Variants in IKBKB-DT observed in about 807,000 individuals in gnomAD.
IKBKB-DT encodes the protein IKBKB divergent transcript.
At chr8:42,254,250 C>A (rs774059538) in intron 3 of IKBKB-DT, among the ~76,000 whole-genome samples, 1 of 152,218 alleles carries the variant, frequency 6.6e-6, no homozygotes, top group Non-Finnish European at 1.5e-5. Context: ...CATAATATTT[C>A]TCTCTGTCAC....
intron 3 of IKBKB-DT, among the ~76,000 whole-genome samples, chr8:42,242,501 A>G (rs912824346): frequency 9.2e-5 from 14 of 152,314 alleles, no homozygotes; most frequent in Admixed American, 2.0e-4. Flanking sequence ...ATTAAGGTAT[A>G]ATGAGAATTC....
intron 2 of IKBKB-DT, among the ~76,000 whole-genome samples, chr8:42,264,644 C>T (rs556104951): frequency 3.3e-5 from 5 of 150,554 alleles, no homozygotes; most frequent in African/African-American, 7.3e-5. Flanking sequence ...TTGCAGCCTC[C>T]GCCTCCCTAG....
intron 3 of IKBKB-DT, among the ~76,000 whole-genome samples, chr8:42,257,760 A>C (rs972500876): frequency 3.3e-5 from 5 of 151,914 alleles, no homozygotes; most frequent in Non-Finnish European, 7.4e-5. Context: ...ATAGGAGGAG[A>C]CCTTATCTCT....
At chr8:42,252,775 A>G (rs1807145016) in intron 3 of IKBKB-DT, among the ~76,000 whole-genome samples, 1 of 152,246 alleles carries the variant, frequency 6.6e-6, no homozygotes, top group Admixed American at 6.5e-5. Flanking sequence ...TTCCAAATGA[A>G]TCATCATACC....
intron 3 of IKBKB-DT, among the ~76,000 whole-genome samples, chr8:42,262,326 A>G (rs1425293445): frequency 1.3e-5 from 2 of 151,812 alleles, no homozygotes; most frequent in Non-Finnish European, 2.9e-5. Context: ...TATTTAAAAA[A>G]AAAAAGAAAA....
chr8:42,262,858 C>A (rs1807310018), intron 3 of IKBKB-DT, among the ~76,000 whole-genome samples: 1 of 152,100 alleles, frequency 6.6e-6, no homozygotes, highest in Admixed American at 6.6e-5. Context: ...CCTGCCTCAG[C>A]CTCCTGAGTA....
At chr8:42,253,675 T>C (rs1162967864) in intron 3 of IKBKB-DT, among the ~76,000 whole-genome samples, 1 of 152,184 alleles carries the variant, frequency 6.6e-6, no homozygotes, top group Non-Finnish European at 1.5e-5. Flanking sequence ...TGTAAAGAAA[T>C]AGCACTTGAA....
At chr8:42,253,485 TC>T (rs1807155523) in intron 3 of IKBKB-DT, among the ~76,000 whole-genome samples, 1 of 152,182 alleles carries the variant, frequency 6.6e-6, no homozygotes, top group Non-Finnish European at 1.5e-5. Flanking sequence ...TCTTAGTGAT[TC>T]CAAGTCAGAA....
At chr8:42,241,896 A>G (rs974395806) in intron 3 of IKBKB-DT, among the ~76,000 whole-genome samples, 1 of 152,170 alleles carries the variant, frequency 6.6e-6, no homozygotes, top group Non-Finnish European at 1.5e-5. Flanking sequence ...GAGGTCAGTT[A>G]ATATGAAAAA....
chr8:42,244,635 G>A (rs1807041077), intron 3 of IKBKB-DT, among the ~76,000 whole-genome samples: 1 of 151,876 alleles, frequency 6.6e-6, no homozygotes, highest in Admixed American at 6.6e-5. Flanking sequence ...TGACCTCCTG[G>A]GCCTAAGTGA....
chr8:42,238,208 C>T (rs570691486), intron 3 of IKBKB-DT, among the ~76,000 whole-genome samples: 73 of 151,866 alleles, frequency 4.8e-4, no homozygotes, highest in African/African-American at 1.7e-3. Flanking sequence ...TGAGTCCCTA[C>T]CCTTGAGAAC....
intron 1 of IKBKB-DT, among the ~76,000 whole-genome samples, chr8:42,268,567 G>A (rs187469508): frequency 4.6e-5 from 7 of 151,614 alleles, no homozygotes; most frequent in Non-Finnish European, 7.4e-5. Context: ...CACCACACCC[G>A]GCCAAATTTT....
intron 3 of IKBKB-DT, among the ~76,000 whole-genome samples, chr8:42,261,800 G>A (rs1490263008): frequency 6.6e-6 from 1 of 152,194 alleles, no homozygotes; most frequent in African/African-American, 2.4e-5. Context: ...GACAGACACT[G>A]GTCACAGATG....
intron 3 of IKBKB-DT, among the ~76,000 whole-genome samples, chr8:42,236,082 C>T (rs535188230): frequency 6.6e-6 from 1 of 151,808 alleles, no homozygotes; most frequent in East Asian, 1.9e-4. Context: ...TAACATTATA[C>T]AAGGACATGT....
chr8:42,267,901 C>T (rs2129939161), intron 1 of IKBKB-DT, among the ~76,000 whole-genome samples: 1 of 152,230 alleles, frequency 6.6e-6, no homozygotes, highest in South Asian at 2.1e-4. Flanking sequence ...AATACGTGAC[C>T]TTATCAGAGA....
At chr8:42,249,842 G>A (rs1807109030) in intron 3 of IKBKB-DT, among the ~76,000 whole-genome samples, 1 of 152,026 alleles carries the variant, frequency 6.6e-6, no homozygotes, top group Non-Finnish European at 1.5e-5. Flanking sequence ...TTTGGGAGGT[G>A]GAGGTAGGAG....
At chr8:42,256,769 AT>A (rs2129924547) in intron 3 of IKBKB-DT, among the ~76,000 whole-genome samples, 1 of 152,150 alleles carries the variant, frequency 6.6e-6, no homozygotes, top group South Asian at 2.1e-4. Context: ...TTCTCCATGA[AT>A]CTCCTTAAAT....
At chr8:42,250,024 GAA>G (rs1375984215) in intron 3 of IKBKB-DT, among the ~76,000 whole-genome samples, 1 of 152,202 alleles carries the variant, frequency 6.6e-6, no homozygotes, top group Non-Finnish European at 1.5e-5. Context: ...TTGCAGTGGA[GAA>G]AGAGTTTAAT....
At chr8:42,251,187 A>G (rs891997657) in intron 3 of IKBKB-DT, among the ~76,000 whole-genome samples, 12 of 152,368 alleles carry the variant, frequency 7.9e-5, no homozygotes, top group African/African-American at 2.6e-4. Flanking sequence ...CAGCAAGGCC[A>G]TCTTTACTTT....
Sources: gnomAD v4.1 joint callset for allele counts (sites outside exome capture counted in the v4.1 genomes callset) on GRCh38, gnomAD v4.1.1 for gene constraint, MANE v1.5 for transcripts, NCBI Gene and HGNC (gene_info 2026-07-23, HGNC 2026-07-21) for gene names.